Variants in CAMTA1 observed in about 807,000 individuals in gnomAD.
The protein encoded by CAMTA1 is calmodulin binding transcription activator 1, also known as calmodulin-binding transcription activator 1.
In CAMTA1, 27 loss-of-function variants were observed where a neutral mutation model predicts 170.9. The observed-to-expected ratio is 0.16, with a 90% CI of 0.12 to 0.22. CAMTA1 has a LOEUF of 0.22. Ranked by LOEUF, CAMTA1 falls within the 10% of genes least tolerant of loss-of-function variation. CAMTA1 has a pLI of 1.00. For missense variants in CAMTA1, 1,619 were observed against 2,217.2 expected (o/e 0.73, Z 5.42); for synonymous variants, 833 against 891.5 (o/e 0.93, Z 1.17).
chr1:6,945,000 G>A (rs977724838), intron 3 of CAMTA1, among the ~76,000 whole-genome samples: 12 of 152,148 alleles, frequency 7.9e-5, no homozygotes, highest in African/African-American at 2.7e-4. Context: ...ATCGTACGTC[G>A]AGGAGCGCCT....
intron 3 of CAMTA1, among the ~76,000 whole-genome samples, chr1:7,005,270 C>T (rs1221933825): frequency 6.6e-6 from 1 of 152,158 alleles, no homozygotes; most frequent in Non-Finnish European, 1.5e-5. Flanking sequence ...GCCGGTTTTC[C>T]AGACAGGCAC....
At chr1:7,337,639 A>G (rs1472157470) in intron 5 of CAMTA1, among the ~76,000 whole-genome samples, 1 of 151,422 alleles carries the variant, frequency 6.6e-6, no homozygotes, top group Non-Finnish European at 1.5e-5. Context: ...GCCTCATCCA[A>G]TCACAATGTG....
At chr1:7,638,687 A>G (rs1047370370) in intron 6 of CAMTA1, among the ~76,000 whole-genome samples, 1 of 151,900 alleles carries the variant, frequency 6.6e-6, no homozygotes, top group South Asian at 2.1e-4. Flanking sequence ...TTGAGATGGG[A>G]GGGTTTAGCT....
chr1:7,745,237 C>G (rs555441093), intron 17 of CAMTA1, among the ~76,000 whole-genome samples: 4 of 152,004 alleles, frequency 2.6e-5, no homozygotes, highest in African/African-American at 7.2e-5. Context: ...CATAAGAGAT[C>G]GTGTTAAGCT....
rs1323026545 is a variant in CAMTA1, at chr1:7,443,296, G to C, written c.439-24534G>C. Among the ~76,000 whole-genome samples the C allele has an allele frequency of 6.6e-6, 1 of 152,206 alleles. No individual in the cohort carries two copies. Among genetic ancestry groups the C allele is most frequent in the Non-Finnish European group, 1.5e-5 (1 of 68,048 alleles). ...TGAGGCAGGGACCAGGTCTGTTCTG[G>C]TCCCCATCGCATGCTCAGCCCCAGC... is the stretch of plus-strand genomic sequence containing the variant. On this transcript the variant is annotated intron_variant, in intron 5 of 22. Coordinates refer to ENST00000303635, the MANE Select transcript of CAMTA1 (RefSeq NM_015215.4). This position sits in a 1 kb window ranked among gnomAD's most constrained non-coding sequence, Gnocchi z 4.1.
chr1:7,705,590 C>G (rs1295491357), intron 11 of CAMTA1, among the ~76,000 whole-genome samples: 2 of 151,778 alleles, frequency 1.3e-5, no homozygotes, highest in East Asian at 3.9e-4. Context: ...TTGGGGCGCT[C>G]GGCTTCTCCT....
chr1:7,056,664 T>C (rs7552444), intron 3 of CAMTA1, among the ~76,000 whole-genome samples: 109,960 of 150,990 alleles, frequency 0.73, 40,805 homozygotes, highest in African/African-American at 0.88. Context: ...AGTCAGGGGA[T>C]GGGGAGGCAG....
intron 21 of CAMTA1, among the ~76,000 whole-genome samples, chr1:7,753,916 G>A (rs2096914536): frequency 6.6e-6 from 1 of 152,128 alleles, no homozygotes; most frequent in African/African-American, 2.4e-5. Context: ...CCCCAAAACG[G>A]GTATGGCTCT....
chr1:7,716,729 G>C (rs1033232426), intron 11 of CAMTA1, among the ~76,000 whole-genome samples: 1 of 152,196 alleles, frequency 6.6e-6, no homozygotes, highest in Non-Finnish European at 1.5e-5. Flanking sequence ...TGGAGAATGA[G>C]CTTGGCACAA....
At chr1:7,460,536 G>C (rs1366538230) in intron 5 of CAMTA1, among the ~76,000 whole-genome samples, 1 of 152,096 alleles carries the variant, frequency 6.6e-6, no homozygotes, top group East Asian at 1.9e-4. Flanking sequence ...CACGTTCCTT[G>C]GATGTCCAAG....
intron 6 of CAMTA1, among the ~76,000 whole-genome samples, chr1:7,598,666 T>G (rs185294527): frequency 6.6e-6 from 1 of 152,372 alleles, no homozygotes; most frequent in East Asian, 1.9e-4. Flanking sequence ...TGGTTTTGAT[T>G]TGCTTCCTTC....
At chr1:7,552,922 T>C (rs531529483) in intron 6 of CAMTA1, among the ~76,000 whole-genome samples, 102 of 152,344 alleles carry the variant, frequency 6.7e-4, no homozygotes, top group Non-Finnish European at 1.4e-3. Flanking sequence ...CCTGTCCATG[T>C]TAAGCAGTAG....
At chr1:7,646,681 G>A (rs1423022815) in intron 7 of CAMTA1, among the ~76,000 whole-genome samples, 1 of 149,676 alleles carries the variant, frequency 6.7e-6, no homozygotes, top group Non-Finnish European at 1.5e-5. Context: ...AGGCCATGGT[G>A]ACTGTGAGGG....
At chr1:7,388,379 G>A (rs542236508) in intron 5 of CAMTA1, 1 of 152,358 alleles carries the variant, frequency 6.6e-6, no homozygotes, top group South Asian at 2.1e-4. Context: ...AGACAAAAAG[G>A]AACCTCTCGT....
Position 7,752,439 on chromosome 1 carries a change from T to C in CAMTA1, c.4884-20T>C. 5 of 1,610,632 alleles carry C rather than the reference T, an allele frequency of 3.1e-6. No homozygotes were observed. Among genetic ancestry groups the C allele is most frequent in the Non-Finnish European group, 4.2e-6 (5 of 1,177,100 alleles). On this transcript the variant is annotated intron_variant, in intron 20 of 22. Transcript: ENST00000303635. The stretch of plus-strand genomic sequence containing the variant: ...CTTTACTGTAACCTTCTTGTGACAA[T>C]AATATTCTGACTTTTTCAGGAGCAG...
At chr1:7,272,712 A>AAAAAAAAAAAAG (rs1670017608) in intron 5 of CAMTA1, among the ~76,000 whole-genome samples, 33 of 109,900 alleles carry the variant, frequency 3.0e-4, no homozygotes, top group East Asian at 5.4e-4. Flanking sequence ...AAAAAAAAAA[A>AAAAAAAAAAAAG]AAAAGAAAAG....
At chr1:6,838,714 T>C (rs1288192251) in intron 3 of CAMTA1, among the ~76,000 whole-genome samples, 1 of 152,170 alleles carries the variant, frequency 6.6e-6, no homozygotes, top group Non-Finnish European at 1.5e-5. Flanking sequence ...TAATATGTTA[T>C]ATATCTGTTA....
chr1:7,687,575 G>C (rs549689437), intron 11 of CAMTA1, among the ~76,000 whole-genome samples: 8 of 152,138 alleles, frequency 5.3e-5, no homozygotes, highest in African/African-American at 1.9e-4. Flanking sequence ...CCAGGAGATC[G>C]CGTGCCTCCC....
intron 4 of CAMTA1, among the ~76,000 whole-genome samples, chr1:7,106,614 G>A (rs1227864303): frequency 1.3e-5 from 2 of 151,990 alleles, no homozygotes; most frequent in Non-Finnish European, 2.9e-5. Flanking sequence ...ATTTTTAACC[G>A]CCCCCGAGTA....
Sources: gnomAD v4.1 joint callset for allele counts (sites outside exome capture counted in the v4.1 genomes callset) on GRCh38, gnomAD v4.1.1 for gene constraint, Gnocchi (gnomAD v3.1) non-coding constraint, MANE v1.5 for transcripts, NCBI Gene and HGNC (gene_info 2026-07-23, HGNC 2026-07-21) for gene names.